Variants in ERC2 observed in about 807,000 individuals in gnomAD.
ERC2 encodes the protein ELKS/RAB6-interacting/CAST family member 2.
Under a neutral mutation model 114.8 loss-of-function variants are expected in ERC2, and 42 were observed. That is an observed-to-expected ratio of 0.37 (90% CI 0.29 to 0.47). ERC2 has a LOEUF of 0.47. ERC2 is among the 20% of genes least tolerant of loss of function. The pLI is 0.99. For synonymous variants in ERC2, 454 were observed against 425.5 expected (o/e 1.07, Z -0.82); for missense variants, 939 against 1,150.7 (o/e 0.82, Z 2.66).
intron 12 of ERC2, among the ~76,000 whole-genome samples, chr3:55,981,526 T>A (rs1434115920): frequency 6.6e-6 from 1 of 152,160 alleles, no homozygotes; most frequent in Non-Finnish European, 1.5e-5. Context: ...GTTTTACTGC[T>A]ATATCCCCAA....
chr3:55,574,119 G>A (rs1217045540), intron 17 of ERC2, among the ~76,000 whole-genome samples: 1 of 152,150 alleles, frequency 6.6e-6, no homozygotes, highest in Non-Finnish European at 1.5e-5. Context: ...CTTTGCATGT[G>A]CTATTTTTTA....
chr3:56,406,301 G>A (rs1008680113), intron 2 of ERC2, among the ~76,000 whole-genome samples: 1 of 152,132 alleles, frequency 6.6e-6, no homozygotes, highest in Non-Finnish European at 1.5e-5. Context: ...TTTATCCTAC[G>A]TGGCTGTGTC....
intron 17 of ERC2, among the ~76,000 whole-genome samples, chr3:55,577,115 C>T (rs890632755): frequency 1.6e-4 from 24 of 152,234 alleles, no homozygotes; most frequent in Non-Finnish European, 3.4e-4. Context: ...TCTTTCACAA[C>T]TGATTTTTAA....
At chr3:55,797,380 G>A (rs1043404745) in intron 14 of ERC2, among the ~76,000 whole-genome samples, 4 of 152,132 alleles carry the variant, frequency 2.6e-5, no homozygotes, top group African/African-American at 9.7e-5. Flanking sequence ...AGTTGAAAGG[G>A]CTTAACATGA....
At chr3:55,746,849 C>G (rs1036032123) in intron 14 of ERC2, among the ~76,000 whole-genome samples, 3 of 152,194 alleles carry the variant, frequency 2.0e-5, no homozygotes, top group Admixed American at 6.5e-5. Flanking sequence ...TGCCACAGAG[C>G]TGGACAGCAA....
At chr3:55,887,128 T>C (rs994913174) in intron 14 of ERC2, among the ~76,000 whole-genome samples, 1 of 152,256 alleles carries the variant, frequency 6.6e-6, no homozygotes, top group Admixed American at 6.5e-5. Flanking sequence ...ACTGGTTTTG[T>C]CATGGCCAGA....
chr3:55,765,406 TG>T (rs1238378561), intron 14 of ERC2, among the ~76,000 whole-genome samples: 2 of 152,240 alleles, frequency 1.3e-5, no homozygotes, highest in Non-Finnish European at 2.9e-5. Context: ...CTGCAAAGGC[TG>T]ATCCTAAAGG....
chr3:55,895,495 C>T (rs1056784170), intron 13 of ERC2, among the ~76,000 whole-genome samples: 1 of 152,156 alleles, frequency 6.6e-6, no homozygotes, highest in East Asian at 1.9e-4. Context: ...TGGAAGGCAC[C>T]AGCACATGCC....
At chr3:56,218,277 T>A (rs1319513356) in intron 3 of ERC2, among the ~76,000 whole-genome samples, 1 of 151,906 alleles carries the variant, frequency 6.6e-6, no homozygotes, top group Non-Finnish European at 1.5e-5. Context: ...TACAAAGAAC[T>A]CAAACAAATT....
chr3:55,963,701 C>T (rs184338647), intron 12 of ERC2, among the ~76,000 whole-genome samples: 1 of 152,232 alleles, frequency 6.6e-6, no homozygotes, highest in Non-Finnish European at 1.5e-5. Context: ...TACGACTCCA[C>T]TGTTAGACAC....
At chr3:55,695,409 A>C (rs2062875897) in intron 16 of ERC2, among the ~76,000 whole-genome samples, 1 of 152,196 alleles carries the variant, frequency 6.6e-6, no homozygotes, top group African/African-American at 2.4e-5. Context: ...ACAGCCCACC[A>C]GCTATTAAAA....
At chr3:56,032,947 G>GAA (rs1491109460) in intron 7 of ERC2, among the ~76,000 whole-genome samples, 2 of 63,116 alleles carry the variant, frequency 3.2e-5, no homozygotes, top group African/African-American at 9.6e-5. Context: ...AAGAAAGAAA[G>GAA]AAAGAAAGAA....
chr3:55,911,591 T>A, intron 13 of ERC2, among the ~76,000 whole-genome samples: 1 of 152,214 alleles, frequency 6.6e-6, no homozygotes, highest in East Asian at 1.9e-4. Context: ...TTTAACACTT[T>A]TAGATCCCAT....
chr3:55,769,690 A>G (rs1405017701), intron 14 of ERC2, among the ~76,000 whole-genome samples: 1 of 152,190 alleles, frequency 6.6e-6, no homozygotes, highest in East Asian at 1.9e-4. Flanking sequence ...AATATACATT[A>G]CATATTGGTT....
chr3:55,646,387 T>G (rs1189522561), intron 17 of ERC2, among the ~76,000 whole-genome samples: 1 of 152,240 alleles, frequency 6.6e-6, no homozygotes, highest in Non-Finnish European at 1.5e-5. Flanking sequence ...TTTTGACTGA[T>G]GTAGCAAAAC....
chr3:55,545,390 G>A (rs561020911), intron 17 of ERC2, among the ~76,000 whole-genome samples: 77 of 152,342 alleles, frequency 5.1e-4, no homozygotes, highest in African/African-American at 1.8e-3. Context: ...AGGACACGCA[G>A]TGAACACTGA....
At chr3:56,455,966 C>T (rs1442361325) in intron 1 of ERC2, among the ~76,000 whole-genome samples, 2 of 152,172 alleles carry the variant, frequency 1.3e-5, no homozygotes, top group Admixed American at 6.5e-5. Context: ...AAGAAGACCC[C>T]CCCAGGACAG....
At chr3:55,742,825 T>C (rs1392235162) in intron 14 of ERC2, among the ~76,000 whole-genome samples, 1 of 152,208 alleles carries the variant, frequency 6.6e-6, no homozygotes, top group East Asian at 1.9e-4. Flanking sequence ...TGTTTTCAAA[T>C]GGCATCTTGA....
Position 55,888,982 on chromosome 3 carries a change from C to T in ERC2, c.2404-433G>A, listed in dbSNP as rs567276191. Among the ~76,000 whole-genome samples, 26 of 152,334 alleles carry T rather than the reference C, an allele frequency of 1.7e-4. No individual in the cohort carries two copies. The East Asian group carries it at 2.5e-3, about 15-fold the overall frequency. Reference sequence around the variant, plus strand: ...TCAAACACAAGAAATGTCCAAATTTCTCCAAGGTCCTTGTTCAATTGGATT... The same window carrying T: ...TCAAACACAAGAAATGTCCAAATTTTTCCAAGGTCCTTGTTCAATTGGATT... On this transcript the variant is annotated intron_variant, in intron 13 of 17. Transcript: ENST00000288221.
Sources: allele counts gnomAD v4.1 joint callset (sites outside exome capture counted in the v4.1 genomes callset), GRCh38; gene constraint gnomAD v4.1.1; transcripts MANE v1.5; gene names NCBI Gene and HGNC (gene_info 2026-07-23, HGNC 2026-07-21).